The following ROBO2 variants were observed in gnomAD, a reference collection of about 807,000 sequenced individuals.
The protein encoded by ROBO2 is roundabout homolog 2.
Under a neutral mutation model 160.8 loss-of-function variants are expected in ROBO2, and 53 were observed. That is an observed-to-expected ratio of 0.33 (90% confidence interval 0.26 to 0.41). The LOEUF is 0.41. ROBO2 is among the 10% of genes least tolerant of loss of function. The pLI is 1.00. For synonymous variants in ROBO2, 664 were observed against 611.7 expected, an observed-to-expected ratio of 1.09 and a Z score of -1.26; for missense variants, 1,577 against 1,722.4, an observed-to-expected ratio of 0.92 and a Z score of 1.49.
chr3:76,289,929 C>T (rs1304997922), intron 2 of ROBO2, among the ~76,000 whole-genome samples: 1 of 152,132 alleles, frequency 6.6e-6, no homozygotes, highest in Non-Finnish European at 1.5e-5. Context: ...TAGTGTAATG[C>T]ATCTGGCATT....
intron 2 of ROBO2, among the ~76,000 whole-genome samples, chr3:76,203,201 G>T (rs1181931395): frequency 6.6e-6 from 1 of 152,152 alleles, no homozygotes; most frequent in Non-Finnish European, 1.5e-5. Context: ...TTTGTACTCA[G>T]AAAGGTTGAC....
At chr3:77,434,443 G>A (rs1244179886) in intron 2 of ROBO2, among the ~76,000 whole-genome samples, 1 of 152,100 alleles carries the variant, frequency 6.6e-6, no homozygotes, top group Non-Finnish European at 1.5e-5. Context: ...TTCTGTTTAG[G>A]ACTGTGTTTC....
In ROBO2 at chr3:77,557,178, G is replaced by A. The variant is rs11928010; in HGVS notation, c.1232-766G>A. 7.2e-3 allele frequency among the ~76,000 whole-genome samples: 1,091 copies of A among 151,958 alleles called. 7 individuals carry two copies. The highest frequency in any genetic ancestry group is 0.025 in the African/African-American group (1,031 of 41,514). ...TTTCATAAATAAAAAGCAATACTAA[G>A]CTAAACATTTAGAAATTATGGAAAA... On this transcript the variant is annotated intron_variant, in intron 8 of 25. Coordinates refer to ENST00000461745, the Ensembl canonical transcript of ROBO2.
chr3:76,519,635 C>T (rs1328567813), intron 2 of ROBO2, among the ~76,000 whole-genome samples: 4 of 152,112 alleles, frequency 2.6e-5, no homozygotes, highest in African/African-American at 4.8e-5. Context: ...TTTGTATACC[C>T]GGGGATTTGC....
chr3:76,670,041 CTTA>C (rs1250969649), intron 2 of ROBO2, among the ~76,000 whole-genome samples: 1 of 152,044 alleles, frequency 6.6e-6, no homozygotes, highest in African/African-American at 2.4e-5. Flanking sequence ...TAGTAAGTGT[CTTA>C]TATGACAAAA....
intron 2 of ROBO2, among the ~76,000 whole-genome samples, chr3:76,430,817 T>C (rs1008047121): frequency 6.6e-6 from 1 of 152,126 alleles, no homozygotes; most frequent in African/African-American, 2.4e-5. Flanking sequence ...TTACAGCAGC[T>C]GGAACATTTT....
At chr3:77,058,368 A>G (rs575837434) in intron 1 of ROBO2, among the ~76,000 whole-genome samples, 8 of 152,270 alleles carry the variant, frequency 5.3e-5, no homozygotes, top group Non-Finnish European at 1.0e-4. Flanking sequence ...TAAATAAAAT[A>G]TTATTGTGTG....
At chr3:76,452,624 G>A (rs7372755) in intron 2 of ROBO2, among the ~76,000 whole-genome samples, 9,612 of 151,866 alleles carry the variant, frequency 0.063, 510 homozygotes, top group East Asian at 0.19. Flanking sequence ...GAATAGTGCC[G>A]CAATATACAT....
At chr3:76,842,667 T>C (rs531582178) in intron 2 of ROBO2, among the ~76,000 whole-genome samples, 13 of 152,332 alleles carry the variant, frequency 8.5e-5, no homozygotes, top group Middle Eastern at 3.4e-3. Flanking sequence ...GATATTGTTA[T>C]TGCTGTTATG....
At chr3:77,410,594 TTCC>T (rs1480551123) in intron 2 of ROBO2, among the ~76,000 whole-genome samples, 2 of 112,294 alleles carry the variant, frequency 1.8e-5, no homozygotes, top group African/African-American at 3.6e-5. Context: ...CCTCCTCCTC[TTCC>T]TCCTCCTCCT....
At chr3:77,175,843 G>C (rs766605908) in intron 2 of ROBO2, among the ~76,000 whole-genome samples, 6 of 152,006 alleles carry the variant, frequency 3.9e-5, no homozygotes, top group Admixed American at 6.6e-5. Context: ...CTTGGTACAT[G>C]TTGACTTTGA....
chr3:76,691,058 A>G lies in ROBO2; in HGVS notation c.110-406956A>G, dbSNP rs2107215406. On this transcript the variant is annotated intron_variant, in intron 2 of 26. Coordinates refer to the ROBO2 transcript ENST00000487694. ...AACATAGCAAAGAGTTCTGTCTAAA[A>G]AAAAGAACAATAATTAACCAAGAAT... 2.0e-5 allele frequency among the ~76,000 whole-genome samples: 3 copies of G among 152,232 alleles called. No individual in the cohort carries two copies. In the South Asian group the frequency reaches 6.2e-4, roughly 32 times the overall value.
intron 2 of ROBO2, among the ~76,000 whole-genome samples, chr3:77,416,503 G>A (rs1321158373): frequency 6.6e-6 from 1 of 151,860 alleles, no homozygotes; most frequent in Non-Finnish European, 1.5e-5. Context: ...TGGATCACAG[G>A]GTCATGAGTT....
Position 76,503,280 on chromosome 3 carries a change from G to A in ROBO2, c.109+565678G>A, listed in dbSNP as rs114384866. On this transcript the variant is annotated intron_variant, in intron 2 of 26. Coordinates refer to the ROBO2 transcript ENST00000487694. ...ATTCGCGGGAAGCTGGTTAGTTAGC[G>A]CCCACCAGAATAACGGTGGATCTGC... is the stretch of plus-strand genomic sequence containing the variant. Among the ~76,000 whole-genome samples, 1,444 of 152,044 alleles carry A rather than the reference G, an allele frequency of 9.5e-3. 19 individuals are homozygous for A. Among genetic ancestry groups the A allele is most frequent in the African/African-American group, 0.028 (1,155 of 41,462 alleles).
At chr3:77,597,667 T>C (rs2094338255) in intron 19 of ROBO2, among the ~76,000 whole-genome samples, 1 of 152,042 alleles carries the variant, frequency 6.6e-6, no homozygotes, top group African/African-American at 2.4e-5. Flanking sequence ...CAGAATATTA[T>C]TTAAGTTGAT....
chr3:77,579,826 A>G (rs1583069906), intron 15 of ROBO2, 121 bp from the exon 17 acceptor site: 1 of 918,856 alleles, frequency 1.1e-6, no homozygotes, highest in East Asian at 2.6e-5. Flanking sequence ...CATTTGCAAA[A>G]CTTCTATAAG....
At chr3:77,146,715 C>A (rs1174780380) in intron 2 of ROBO2, among the ~76,000 whole-genome samples, 3 of 152,104 alleles carry the variant, frequency 2.0e-5, no homozygotes, top group Non-Finnish European at 4.4e-5. Flanking sequence ...CGCTTGTAAT[C>A]CCAGCACTTT....
At chr3:77,386,048 A>C (rs1312130482) in intron 2 of ROBO2, among the ~76,000 whole-genome samples, 1 of 152,236 alleles carries the variant, frequency 6.6e-6, no homozygotes, top group Non-Finnish European at 1.5e-5. Flanking sequence ...ATGCATATTG[A>C]GTATTTCCTA....
At chr3:77,094,901 T>C (rs970633795) in intron 1 of ROBO2, among the ~76,000 whole-genome samples, 4 of 152,200 alleles carry the variant, frequency 2.6e-5, no homozygotes, top group African/African-American at 9.6e-5. Context: ...TATATTTTTA[T>C]TGAGTTATGA....
Sources: gnomAD v4.1 joint callset for allele counts (sites outside exome capture counted in the v4.1 genomes callset) on GRCh38, gnomAD v4.1.1 for gene constraint, MANE v1.5 for transcripts, NCBI Gene and HGNC (gene_info 2026-07-23, HGNC 2026-07-21) for gene names.